The following TMEM248 variants were observed in gnomAD, a reference collection of about 807,000 sequenced individuals.
TMEM248 encodes UPF0458 protein C7orf42.
Under a neutral mutation model 30.3 loss-of-function variants are expected in TMEM248, and 9 were observed. That is an observed-to-expected ratio of 0.30 (90% CI 0.18 to 0.52). The LOEUF (loss-of-function observed/expected upper bound fraction) is 0.52, where lower values mean the gene tolerates loss of function less well. Among genes scored for constraint, TMEM248 ranks in the 20% least tolerant of loss-of-function variants. TMEM248 has a pLI of 0.97. For synonymous variants in TMEM248, 184 were observed against 154.4 expected (o/e 1.19, Z -1.42); for missense variants, 338 against 403.3 (o/e 0.84, Z 1.39).
rs1297019048 is a variant in TMEM248, at chr7:66,945,402, A to G, written c.445+141A>G. 4.4e-6 allele frequency: 4 copies of G among 898,982 alleles called. No individual in the cohort carries two copies. The African/African-American group carries it at 5.0e-5, about 11-fold the overall frequency. 55.7% of individuals were successfully genotyped at this position (898,982 alleles called of 1,614,324 possible). A position where few individuals can be genotyped will look rare whatever the true frequency, so the allele number is the denominator to read the frequency against. On this transcript the variant is annotated intron_variant, in intron 3 of 6. Coordinates refer to ENST00000341567, the MANE Select transcript of TMEM248 (RefSeq NM_017994.5). ...CTTTTTTTTGTTGAGTTTGAACTAC[A>G]TGAACCATTTCTGTTCCATCGTTAC...
intron 1 of TMEM248, among the ~76,000 whole-genome samples, chr7:66,927,250 A>G (rs1352733155): frequency 6.6e-6 from 1 of 152,166 alleles, no homozygotes; most frequent in African/African-American, 2.4e-5. Flanking sequence ...GGAACGATGC[A>G]TTCATTAACA....
intron 1 of TMEM248, among the ~76,000 whole-genome samples, chr7:66,941,168 G>C (rs967149096): frequency 1.3e-5 from 2 of 152,042 alleles, no homozygotes; most frequent in Admixed American, 6.6e-5. Context: ...AGATTACGAG[G>C]TCAGGAGTTC....
intron 1 of TMEM248, among the ~76,000 whole-genome samples, chr7:66,926,136 A>G (rs1791519348): frequency 6.6e-6 from 1 of 152,190 alleles, no homozygotes; most frequent in East Asian, 1.9e-4. Flanking sequence ...TGATTGTGAT[A>G]TGTTGGCCAA....
Position 66,945,239 on chromosome 7 carries a change from A to G in TMEM248, c.423A>G (p.Leu141=), listed in dbSNP as rs535734193. ...RNVTHLYSTI[L]GHQIGLSGRE... The stretch of plus-strand genomic sequence containing the variant: ...TCACCCATCTGTACTCAACCATCTT[A>G]GGGCATCAGATTGGACTTTCAGGTA... Residue 141 remains leucine, a synonymous_variant, in exon 3 of 7, where the codon TTA becomes TTG. Transcript: ENST00000341567. 73 of 1,613,750 alleles carry G rather than the reference A, an allele frequency of 4.5e-5. No individual in the cohort carries two copies. In the East Asian group the frequency reaches 1.5e-3, roughly 34 times the overall value.
At position 66,957,175 on chromosome 7, in the gene TMEM248, A is replaced by G. The variant is rs948514342; in HGVS notation, c.*1653A>G. The G allele has an allele frequency of 3.3e-5, 5 of 152,472 alleles. No individual in the cohort carries two copies. The highest frequency in any genetic ancestry group is 6.6e-5 in the Admixed American group (1 of 15,236). 9.4% of individuals were successfully genotyped at this position (152,472 alleles called of 1,614,324 possible). ...CAGGCAGTGTTATAACAGAAGGGCA[A>G]TGAAAACATTGGACATGACCATGAG... On this transcript the variant is annotated 3_prime_UTR_variant, in exon 7 of 7. Transcript: ENST00000341567.
chr7:66,954,124 A>G (rs932230297), intron 6 of TMEM248, among the ~76,000 whole-genome samples: 1 of 150,056 alleles, frequency 6.7e-6, no homozygotes, highest in African/African-American at 2.4e-5. Flanking sequence ...TTGTATTTTT[A>G]GTAGATACAG....
rs564592454 is a variant in TMEM248, at chr7:66,953,730, G to C, written c.924+361G>C. 4.6e-5 allele frequency among the ~76,000 whole-genome samples: 7 copies of C among 151,606 alleles called. No homozygotes were observed. In the East Asian group the frequency reaches 1.4e-3, roughly 29 times the overall value. ...AGCAGTTCTCCCACCTCAGCCTCCC[G>C]AGGAGCTGGGATTACAGTCGCAAGC... On this transcript the variant is annotated intron_variant, in intron 6 of 6. Transcript: ENST00000341567.
chr7:66,949,986 G>T (rs560147554), intron 4 of TMEM248, among the ~76,000 whole-genome samples: 8 of 152,290 alleles, frequency 5.3e-5, no homozygotes, highest in Admixed American at 5.2e-4. Context: ...TGTAGGACAA[G>T]ATCAGATTAA....
chr7:66,930,194 A>T (rs373962960), intron 1 of TMEM248, among the ~76,000 whole-genome samples: 37 of 152,144 alleles, frequency 2.4e-4, no homozygotes, highest in African/African-American at 8.9e-4. Flanking sequence ...TAGGTAAATG[A>T]CGGTGTTTTT....
At chr7:66,933,608 CT>C (rs1791723610) in intron 1 of TMEM248, among the ~76,000 whole-genome samples, 1 of 152,176 alleles carries the variant, frequency 6.6e-6, no homozygotes, top group Non-Finnish European at 1.5e-5. Flanking sequence ...TTCCACGCCC[CT>C]TTTTAAGGAA....
chr7:66,955,526 C>T lies in TMEM248; in HGVS notation c.*4C>T. The T allele has an allele frequency of 1.2e-6, 2 of 1,614,058 alleles. No homozygotes were observed. Among genetic ancestry groups the T allele is most frequent in the Admixed American group, 1.7e-5 (1 of 60,000 alleles). On this transcript the variant is annotated 3_prime_UTR_variant, in exon 7 of 7. Coordinates refer to ENST00000341567, the MANE Select transcript of TMEM248 (RefSeq NM_017994.5). ...GGTGGCTTTGGCTGAAGCCTAATTC[C>T]ACAGCTCCTTGTTTTTTGAGAGAGA...
intron 1 of TMEM248, among the ~76,000 whole-genome samples, chr7:66,929,875 C>A (rs145576868): frequency 1.3e-5 from 2 of 152,162 alleles, no homozygotes; most frequent in African/African-American, 2.4e-5. Context: ...GGATGACTGG[C>A]AGGAGCTGGG....
At position 66,958,438 on chromosome 7, in the gene TMEM248, C is replaced by T. The variant is rs77835947; in HGVS notation, c.*2916C>T. ...CCTGAGGGCCAGTGGGTCCATTTCA[C>T]CTCTTGCTGCATGATGGTCAGTAGC... On this transcript the variant is annotated 3_prime_UTR_variant, in exon 7 of 7. Transcript: ENST00000341567. The T allele has an allele frequency of 6.5e-6, 1 of 152,738 alleles. No individual in the cohort carries two copies. The highest frequency in any genetic ancestry group is 2.4e-5 in the African/African-American group (1 of 41,470). 9.5% of individuals were successfully genotyped at this position (152,738 alleles called of 1,614,324 possible). A position where few individuals can be genotyped will look rare whatever the true frequency, so the allele number is the denominator to read the frequency against.
At chr7:66,938,431 A>T (rs1052772449) in intron 1 of TMEM248, among the ~76,000 whole-genome samples, 2 of 152,210 alleles carry the variant, frequency 1.3e-5, no homozygotes, top group Non-Finnish European at 2.9e-5. Flanking sequence ...TGAATTGTAT[A>T]CTTTAAATGG....
At chr7:66,943,426 G>A (rs1202656728) in intron 2 of TMEM248, among the ~76,000 whole-genome samples, 1 of 152,226 alleles carries the variant, frequency 6.6e-6, no homozygotes, top group Admixed American at 6.5e-5. Context: ...AGATGCTGCG[G>A]AACTTTGGTT....
Position 66,942,006 on chromosome 7 carries a change from A to G in TMEM248, c.141A>G (p.Lys47=), listed in dbSNP as rs367998564. ...ACTTCTTCAAAATCAAGGAGATTAA[A>G]TCCCCAGAAATGGCAGAGGTATAGT... ...LGYFFKIKEI[K]SPEMAEDWNT... is the part of the protein sequence containing the mutation. The change falls in exon 2 of 7, where the codon AAA becomes AAG. Residue 47 remains lysine (K), a synonymous_variant. Transcript: ENST00000341567. 1.2e-6 allele frequency: 2 copies of G among 1,614,078 alleles called. No individual in the cohort carries two copies. Among genetic ancestry groups the G allele is most frequent in the Non-Finnish European group, 1.7e-6 (2 of 1,179,972 alleles).
In TMEM248 at chr7:66,941,870, T is replaced by A; in HGVS notation, c.5T>A (p.Phe2Tyr). M[F>Y]SINPLENLKV... Reference sequence around the variant, plus strand: ...CAGGTGGAGCTGATCAGAATAATGTTCAGCATCAACCCCCTGGAGAACCTG... The same window carrying A: ...CAGGTGGAGCTGATCAGAATAATGTACAGCATCAACCCCCTGGAGAACCTG... Residue 2 changes from phenylalanine to tyrosine, a missense_variant, in exon 2 of 7, where the codon TTC becomes TAC. Phe to Tyr is a conservative substitution (Grantham distance 22, BLOSUM62 3). Coordinates refer to ENST00000341567, the MANE Select transcript of TMEM248 (RefSeq NM_017994.5). The A allele has an allele frequency of 6.2e-7, 1 of 1,613,556 alleles. No individual in the cohort carries two copies. Among genetic ancestry groups the A allele is most frequent in the Non-Finnish European group, 8.5e-7 (1 of 1,179,720 alleles).
At chr7:66,941,791 A>G in intron 1 of TMEM248, 57 bp from the exon 2 acceptor site, 1 of 1,486,530 alleles carries the variant, frequency 6.7e-7, no homozygotes, top group Non-Finnish European at 9.1e-7. Context: ...AAACAAAAGA[A>G]TCATAGCTTT....
chr7:66,953,516 TC>T, intron 6 of TMEM248, 147 bp downstream of exon 6: 1 of 1,128,386 alleles, frequency 8.9e-7, no homozygotes, highest in Non-Finnish European at 1.3e-6. Context: ...GAGGATTGGT[TC>T]CAGGACCCTG....
Sources: allele counts gnomAD v4.1 joint callset (sites outside exome capture counted in the v4.1 genomes callset), GRCh38; gene constraint gnomAD v4.1.1; transcripts MANE v1.5; gene names NCBI Gene and HGNC (gene_info 2026-07-23, HGNC 2026-07-21).